Variants in SIN3A observed in about 807,000 individuals in gnomAD.
SIN3A encodes paired amphipathic helix protein Sin3a.
SIN3A carries 14 observed loss-of-function variants against 146.1 expected under a neutral mutation model. The observed-to-expected ratio is 0.10, with a 90% CI of 0.06 to 0.15. The LOEUF is 0.15. SIN3A is among the 10% of genes least tolerant of loss of function. The pLI, the probability that SIN3A is intolerant of heterozygous loss-of-function variation, is 1.00. For synonymous variants in SIN3A, 572 were observed against 572.0 expected, an observed-to-expected ratio of 1.00 and a Z score of 0.00; for missense variants, 1,028 against 1,576.0, an observed-to-expected ratio of 0.65 and a Z score of 5.89.
intron 19 of SIN3A, among the ~76,000 whole-genome samples, chr15:75,379,389 A>C (rs2072923716): frequency 6.6e-6 from 1 of 152,114 alleles, no homozygotes; most frequent in African/African-American, 2.4e-5. Flanking sequence ...TAGAAACTGA[A>C]ATTCTGGAGG....
At chr15:75,444,673 A>C (rs985708415) in intron 1 of SIN3A, among the ~76,000 whole-genome samples, 1 of 152,032 alleles carries the variant, frequency 6.6e-6, no homozygotes, top group Non-Finnish European at 1.5e-5. Context: ...GTTTGAGACC[A>C]ATCTGGGCAA....
At chr15:75,410,501 A>AT (rs1263651318) in intron 6 of SIN3A, among the ~76,000 whole-genome samples, 1 of 151,780 alleles carries the variant, frequency 6.6e-6, no homozygotes, top group Non-Finnish European at 1.5e-5. Flanking sequence ...GGTAGTAAAT[A>AT]TTTTTGAGAC....
At chr15:75,385,957 AAAAAG>A (rs549887039) in intron 16 of SIN3A, among the ~76,000 whole-genome samples, 1 of 152,256 alleles carries the variant, frequency 6.6e-6, no homozygotes, top group South Asian at 2.1e-4. Context: ...TTTTAGGAGA[AAAAAG>A]AAAAGGTGGA....
At chr15:75,408,665 G>A (rs1013817405) in intron 8 of SIN3A, among the ~76,000 whole-genome samples, 1 of 152,176 alleles carries the variant, frequency 6.6e-6, no homozygotes, top group South Asian at 2.1e-4. Context: ...ATCATGTAAT[G>A]GATTACTAAG....
chr15:75,422,543 T>C (rs377728829), intron 3 of SIN3A, 104 bp downstream of exon 3: 1 of 1,258,618 alleles, frequency 7.9e-7, no homozygotes, highest in African/African-American at 1.5e-5. Context: ...ATTCGACAGC[T>C]AGTATCTCAG....
intron 11 of SIN3A, 83 bp downstream of exon 11, chr15:75,400,647 T>C (rs1374317673): frequency 1.5e-5 from 14 of 933,690 alleles, no homozygotes; most frequent in Admixed American, 2.6e-5. Context: ...ATCATTCATA[T>C]AAATTCTCAA....
At chr15:75,451,347 C>G (rs1446949926) in intron 1 of SIN3A, 76 bp downstream of exon 1, 2 of 130,064 alleles carry the variant, frequency 1.5e-5, no homozygotes, top group African/African-American at 5.5e-5. Context: ...CCCCCCCCCC[C>G]CAAAATACAC....
intron 2 of SIN3A, among the ~76,000 whole-genome samples, chr15:75,427,896 G>A (rs1019466560): frequency 3.3e-5 from 5 of 151,298 alleles, no homozygotes; most frequent in African/African-American, 7.3e-5. Flanking sequence ...ACTTGAGCCC[G>A]GGAGGCAGAG....
Position 75,389,632 on chromosome 15 carries a change from A to G in SIN3A, c.3021+20T>C, listed in dbSNP as rs771723305. 14 of 1,613,234 alleles carry G rather than the reference A, an allele frequency of 8.7e-6. No individual in the cohort carries two copies. In the Admixed American group the frequency reaches 2.3e-4, roughly 27 times the overall value. Reference sequence around the variant, plus strand: ...AAGGATTTCTTCCCTTACTCACCCTAGCCTCCTCCATGCCCTCACCTGTCT... The same window carrying G: ...AAGGATTTCTTCCCTTACTCACCCTGGCCTCCTCCATGCCCTCACCTGTCT... On this transcript the variant is annotated intron_variant, in intron 16 of 20. Coordinates refer to ENST00000394947, the MANE Select transcript of SIN3A (RefSeq NM_001145358.2).
At chr15:75,413,859 A>G (rs562622743) in intron 4 of SIN3A, among the ~76,000 whole-genome samples, 1 of 152,358 alleles carries the variant, frequency 6.6e-6, no homozygotes, top group African/African-American at 2.4e-5. Flanking sequence ...GCACACATCT[A>G]CATTGTTCAG....
At chr15:75,443,488 G>C (rs1476819180) in intron 1 of SIN3A, 4 of 152,216 alleles carry the variant, frequency 2.6e-5, no homozygotes, top group Non-Finnish European at 5.9e-5. Context: ...GGCTAAGGTG[G>C]GTGGATTGTT....
At chr15:75,417,593 G>A (rs966567797) in intron 3 of SIN3A, among the ~76,000 whole-genome samples, 2 of 151,936 alleles carry the variant, frequency 1.3e-5, no homozygotes, top group Non-Finnish European at 2.9e-5. Context: ...TGGCCAGGCT[G>A]GTCTTGAACT....
chr15:75,383,449 A>T (rs1263154976), intron 17 of SIN3A, among the ~76,000 whole-genome samples: 1 of 151,578 alleles, frequency 6.6e-6, no homozygotes, highest in Non-Finnish European at 1.5e-5. Context: ...TTTGGGACAG[A>T]GTCTTGCTCT....
Position 75,409,878 on chromosome 15 carries a change from G to A in SIN3A, c.1275C>T (p.Cys425=). ...TTCCTGTAGGATGTCTGCGGATCTG[G>A]CAGCCATTCTGGCTGGGCCTCTGCG... The part of the protein sequence containing the change: ...NKPQRPSQNG[C]QIRRHPTGTT... The change falls in exon 8 of 21, where the codon TGC becomes TGT. Residue 425 remains cysteine, a synonymous_variant. Coordinates refer to ENST00000394947, the MANE Select transcript of SIN3A (RefSeq NM_001145358.2). 6.2e-7 allele frequency: 1 copy of A among 1,613,448 alleles called. No homozygotes were observed. The highest frequency in any genetic ancestry group is 8.5e-7 in the Non-Finnish European group (1 of 1,180,006).
At chr15:75,376,071 C>T in intron 19 of SIN3A, 199 bp from the exon 20 acceptor site, 1 of 606,300 alleles carries the variant, frequency 1.6e-6, no homozygotes, top group Non-Finnish European at 2.9e-6. Flanking sequence ...GAAATCTTCA[C>T]CCATCCCCTA....
chr15:75,375,827 C>T lies in SIN3A; in HGVS notation c.3429G>A (p.Gln1143=). ...IRKCQRGREQ[Q]EKEGKEGNSK... is the part of the protein sequence containing the mutation. ...TGTTTCCTTCCTTCCCTTCCTTTTC[C>T]TGCTGCTCTCGACCACGTTGACACT... Residue 1143 remains glutamine (Q), a synonymous_variant, in exon 20 of 21, where the codon CAG becomes CAA. Coordinates refer to ENST00000394947, the MANE Select transcript of SIN3A (RefSeq NM_001145358.2). 1 of 1,614,168 alleles carries T rather than the reference C, an allele frequency of 6.2e-7. No homozygotes were observed. Among genetic ancestry groups the T allele is most frequent in the East Asian group, 2.2e-5 (1 of 44,896 alleles).
intron 1 of SIN3A, among the ~76,000 whole-genome samples, chr15:75,449,235 A>T (rs1316977400): frequency 6.6e-5 from 10 of 152,196 alleles, no homozygotes; most frequent in Admixed American, 5.9e-4. Context: ...ATCATTTGCT[A>T]AACTAAAATG....
In SIN3A at chr15:75,372,141, C is replaced by T; in HGVS notation, c.3660G>A (p.Glu1220=). ...FQAWVDKWTK[E]HVPREMAAET... ...CTGCTGCCATTTCACGGGGCACATG[C>T]TCCTTGGTCCATTTATCTACCCAGG... The change falls in exon 21 of 21, where the codon GAG becomes GAA. Residue 1220 remains glutamate, a synonymous_variant. Coordinates refer to ENST00000394947, the MANE Select transcript of SIN3A (RefSeq NM_001145358.2). The T allele has an allele frequency of 6.2e-7, 1 of 1,614,152 alleles. No homozygotes were observed. The highest frequency in any genetic ancestry group is 8.5e-7 in the Non-Finnish European group (1 of 1,180,046).
chr15:75,408,722 G>A lies in SIN3A; in HGVS notation c.1317+1114C>T, dbSNP rs1324190116. ...GCTACAGCCCAAAGGTCCTGCCTTG[G>A]AGATTAAGATGATACACATAAGATC... On this transcript the variant is annotated intron_variant, in intron 8 of 20. Transcript: ENST00000394947. Among the ~76,000 whole-genome samples, 3 of 152,202 alleles carry A rather than the reference G, an allele frequency of 2.0e-5. No individual in the cohort carries two copies. In the East Asian group the frequency reaches 5.8e-4, roughly 29 times the overall value.
Sources: allele counts gnomAD v4.1 joint callset (sites outside exome capture counted in the v4.1 genomes callset), GRCh38; gene constraint gnomAD v4.1.1; transcripts MANE v1.5; gene names NCBI Gene and HGNC (gene_info 2026-07-23, HGNC 2026-07-21).